The following VANGL1 variants were observed in gnomAD, a reference collection of about 807,000 sequenced individuals.
VANGL1 encodes the protein vang-like protein 1.
VANGL1 carries 18 observed loss-of-function variants against 48.4 expected under a neutral mutation model. The observed-to-expected ratio is 0.37, with a 90% CI of 0.26 to 0.55. The LOEUF is 0.55. VANGL1 is among the 20% of genes least tolerant of loss of function. The pLI, the probability that VANGL1 is intolerant of heterozygous loss-of-function variation, is 0.81. For synonymous variants in VANGL1, 257 were observed against 261.8 expected (o/e 0.98, Z 0.18); for missense variants, 667 against 675.8 (o/e 0.99, Z 0.14).
intron 7 of VANGL1, among the ~76,000 whole-genome samples, chr1:115,686,522 C>T (rs1415722411): frequency 6.6e-6 from 1 of 151,992 alleles, no homozygotes; most frequent in Non-Finnish European, 1.5e-5. Context: ...GCCAAGGAGG[C>T]AAACTAGAGT....
Position 115,685,445 on chromosome 1 carries a change from T to C in VANGL1, c.1232T>C (p.Ile411Thr), listed in dbSNP as rs369450463. The C allele has an allele frequency of 2.5e-6, 4 of 1,614,066 alleles. No individual in the cohort carries two copies. The highest frequency in any genetic ancestry group is 3.4e-6 in the Non-Finnish European group (4 of 1,180,012). ...AGGGCTCTCCAGAAGTACCTGCGCA[T>C]CACCCGGCAGCAGAACTACCACAGC... ...MARALQKYLRITRQQNYHSME... is the reference protein window; with the variant it reads ...MARALQKYLRTTRQQNYHSME... The change falls in exon 7 of 8, where the codon ATC becomes ACC. Residue 411 changes from isoleucine (I) to threonine (T), a missense_variant. Physicochemically the swap from Ile to Thr is moderately conservative, Grantham distance 89. Coordinates refer to ENST00000355485, the MANE Select transcript of VANGL1 (RefSeq NM_138959.3).
rs775050358 is a variant in VANGL1 at position 115,663,921 on chromosome 1, C to T, written c.465C>T (p.Ser155=). Residue 155 remains serine (S), a synonymous_variant, in exon 4 of 8, where the codon TCC becomes TCT. Transcript: ENST00000355485. ...CAATTTGTGAGGGGCTCTTTATCTC[C>T]ATGGCATTCAAACTCCTCATTCTGC... ...CGTICEGLFI[S]MAFKLLILLI... The T allele has an allele frequency of 6.2e-7, 1 of 1,614,226 alleles. No homozygotes were observed. Among genetic ancestry groups the T allele is most frequent in the Non-Finnish European group, 8.5e-7 (1 of 1,180,044 alleles).
intron 4 of VANGL1, among the ~76,000 whole-genome samples, chr1:115,678,508 A>G (rs1367049136): frequency 6.6e-6 from 1 of 152,176 alleles, no homozygotes; most frequent in Admixed American, 6.5e-5. Context: ...GCAGCTTGGG[A>G]CAGAGTGGGG....
At chr1:115,686,536 G>GAT (rs1653640195) in intron 7 of VANGL1, among the ~76,000 whole-genome samples, 1 of 152,118 alleles carries the variant, frequency 6.6e-6, no homozygotes, top group Non-Finnish European at 1.5e-5. Flanking sequence ...CTAGAGTAAA[G>GAT]ATACAGCAAA....
At chr1:115,660,080 G>C (rs1338165359) in intron 3 of VANGL1, among the ~76,000 whole-genome samples, 1 of 152,162 alleles carries the variant, frequency 6.6e-6, no homozygotes, top group Non-Finnish European at 1.5e-5. Flanking sequence ...AAATGGAACA[G>C]TATAAGGGGG....
At chr1:115,652,534 A>G (rs946589212) in intron 2 of VANGL1, among the ~76,000 whole-genome samples, 2 of 152,240 alleles carry the variant, frequency 1.3e-5, no homozygotes, top group Non-Finnish European at 2.9e-5. Context: ...GTAACACAGT[A>G]CAGGCTGGAG....
chr1:115,646,461 G>C (rs1038094092), intron 1 of VANGL1, among the ~76,000 whole-genome samples: 2 of 151,156 alleles, frequency 1.3e-5, no homozygotes, highest in African/African-American at 4.9e-5. Flanking sequence ...CTCTGCCCCT[G>C]AGTGGGACTG....
chr1:115,651,998 C>T (rs113697906), intron 2 of VANGL1, among the ~76,000 whole-genome samples: 2 of 152,214 alleles, frequency 1.3e-5, no homozygotes, highest in South Asian at 2.1e-4. Context: ...GTGATCCGCC[C>T]GCCTCGGTTT....
chr1:115,659,592 A>C (rs958695929), intron 2 of VANGL1, 49 bp from the exon 3 acceptor site: 1 of 1,613,100 alleles, frequency 6.2e-7, no homozygotes, highest in South Asian at 1.1e-5. Context: ...ATAAACCCAG[A>C]GAGTTAATTA....
intron 4 of VANGL1, among the ~76,000 whole-genome samples, chr1:115,666,046 C>A (rs1162212216): frequency 2.0e-5 from 3 of 152,166 alleles, no homozygotes; most frequent in Non-Finnish European, 4.4e-5. Context: ...GAGCAGGAGA[C>A]AGTCTGTCTC....
rs1483025722 is a variant in VANGL1 at position 115,687,723 on chromosome 1, G to C, written c.1314+2196G>C. ...TCTTTCTCTGTGTGTGTGTGTGTGT[G>C]TGTGTGTGTGTGTGTGTGTGTGTGT... On this transcript the variant is annotated intron_variant, in intron 7 of 7. Coordinates refer to ENST00000355485, the MANE Select transcript of VANGL1 (RefSeq NM_138959.3). Among the ~76,000 whole-genome samples, 18 of 134,570 alleles carry C rather than the reference G, an allele frequency of 1.3e-4. 6 individuals carry two copies. The highest frequency in any genetic ancestry group is 5.1e-4 in the African/African-American group (18 of 35,624). 88.3% of individuals were successfully genotyped at this position (134,570 alleles called of 152,430 possible). A position where few individuals can be genotyped will look rare whatever the true frequency, so the allele number is the denominator to read the frequency against.
chr1:115,664,359 C>A, intron 4 of VANGL1, 91 bp downstream of exon 4: 2 of 1,528,002 alleles, frequency 1.3e-6, no homozygotes, highest in Non-Finnish European at 8.8e-7. Context: ...GTGACAGATG[C>A]CAAGAGCTAG....
At chr1:115,644,614 A>AT (rs1651849360) in intron 1 of VANGL1, among the ~76,000 whole-genome samples, 1 of 152,210 alleles carries the variant, frequency 6.6e-6, no homozygotes. Context: ...GTCCTTCTGA[A>AT]TCCCAGTTAC....
At chr1:115,643,033 T>A (rs1051297003) in intron 1 of VANGL1, among the ~76,000 whole-genome samples, 2 of 152,232 alleles carry the variant, frequency 1.3e-5, no homozygotes, top group African/African-American at 4.8e-5. Context: ...ATGCCCACGC[T>A]GCGAAGGTGT....
At chr1:115,655,121 C>T (rs1652294781) in intron 2 of VANGL1, among the ~76,000 whole-genome samples, 1 of 152,202 alleles carries the variant, frequency 6.6e-6, no homozygotes, top group Non-Finnish European at 1.5e-5. Context: ...GCGCCCAGCG[C>T]TCCTACCCCA....
chr1:115,667,683 A>G (rs1379338550), intron 4 of VANGL1, among the ~76,000 whole-genome samples: 2 of 152,188 alleles, frequency 1.3e-5, no homozygotes, highest in Non-Finnish European at 2.9e-5. Flanking sequence ...GTCATTTTCC[A>G]TACACACCTT....
At chr1:115,684,242 G>A (rs888994854) in intron 6 of VANGL1, among the ~76,000 whole-genome samples, 166 bp downstream of exon 6, 2 of 151,962 alleles carry the variant, frequency 1.3e-5, no homozygotes, top group Non-Finnish European at 2.9e-5. Context: ...AGGTTCCAGT[G>A]ATTCTCATGC....
At chr1:115,687,633 A>T (rs1653678614) in intron 7 of VANGL1, among the ~76,000 whole-genome samples, 1 of 137,558 alleles carries the variant, frequency 7.3e-6, no homozygotes. Context: ...ATATTCTTTC[A>T]AATATATGTA....
In VANGL1 at chr1:115,647,441, G is replaced by T. The variant is rs141999271; in HGVS notation, c.-137-3836G>T. On this transcript the variant is annotated intron_variant, in intron 1 of 7. Transcript: ENST00000355485. ...ATATCATTGCAGTGGTAAGCTTCAGGATATCCTTTTCCATTAAGTCTGTTG... is the reference window on the plus strand; with the variant it reads ...ATATCATTGCAGTGGTAAGCTTCAGTATATCCTTTTCCATTAAGTCTGTTG... 6.6e-5 allele frequency among the ~76,000 whole-genome samples: 10 copies of T among 152,310 alleles called. No individual in the cohort carries two copies. The South Asian group carries it at 8.3e-4, about 13-fold the overall frequency.
Sources: gnomAD v4.1 joint callset for allele counts (sites outside exome capture counted in the v4.1 genomes callset) on GRCh38, gnomAD v4.1.1 for gene constraint, MANE v1.5 for transcripts, NCBI Gene and HGNC (gene_info 2026-07-23, HGNC 2026-07-21) for gene names.